Variants in PRKG1 observed in about 807,000 individuals in gnomAD.
PRKG1 encodes the protein cGMP-dependent protein kinase 1.
A neutral mutation model predicts 88.1 loss-of-function variants in PRKG1; 35 were observed. That is an observed-to-expected ratio of 0.40 (90% confidence interval 0.30 to 0.53). PRKG1 has a LOEUF of 0.53. Among genes scored for constraint, PRKG1 ranks in the 20% least tolerant of loss-of-function variants. The probability of loss-of-function intolerance (pLI) is 0.59; values close to 1 mark genes in which losing one functional copy is unlikely to be tolerated. For missense variants in PRKG1, 540 were observed against 839.8 expected, an observed-to-expected ratio of 0.64 and a Z score of 4.41; for synonymous variants, 303 against 292.5, an observed-to-expected ratio of 1.04 and a Z score of -0.37.
intron 9 of PRKG1, among the ~76,000 whole-genome samples, chr10:52,192,413 A>C (rs1392777212): frequency 6.6e-6 from 1 of 152,064 alleles, no homozygotes; most frequent in Non-Finnish European, 1.5e-5. Context: ...TCAGATAATA[A>C]TTTTTTAAAA....
At chr10:52,033,360 C>T (rs776335890) in intron 5 of PRKG1, among the ~76,000 whole-genome samples, 2 of 152,150 alleles carry the variant, frequency 1.3e-5, no homozygotes, top group African/African-American at 2.4e-5. Context: ...AACAACAGCA[C>T]ACTTCTCTGT....
At chr10:51,148,675 C>T (rs181951073) in intron 1 of PRKG1, among the ~76,000 whole-genome samples, 2 of 152,074 alleles carry the variant, frequency 1.3e-5, no homozygotes, top group Non-Finnish European at 2.9e-5. Context: ...GTAAGAGTTG[C>T]CTGAGAGTAA....
intron 3 of PRKG1, among the ~76,000 whole-genome samples, chr10:51,654,599 A>T (rs890615560): frequency 3.3e-5 from 5 of 152,154 alleles, no homozygotes; most frequent in African/African-American, 1.2e-4. Context: ...GCTGCTTATT[A>T]ATAGAATCTA....
At chr10:51,231,485 C>T (rs1838843449) in intron 2 of PRKG1, among the ~76,000 whole-genome samples, 1 of 152,162 alleles carries the variant, frequency 6.6e-6, no homozygotes, top group Admixed American at 6.6e-5. Flanking sequence ...CACAGACCCT[C>T]TCCACTACAA....
chr10:52,157,306 GATATATATATATAT>G (rs142784154), intron 8 of PRKG1, among the ~76,000 whole-genome samples: 24,986 of 125,868 alleles, frequency 0.2, 2,668 homozygotes, highest in South Asian at 0.34. Flanking sequence ...TGAGTTAGTT[GATATATATATATAT>G]ATATATATAT....
chr10:51,951,371 C>T (rs1159366752), intron 5 of PRKG1, among the ~76,000 whole-genome samples: 1 of 152,138 alleles, frequency 6.6e-6, no homozygotes, highest in South Asian at 2.1e-4. Flanking sequence ...CACAGCCAAC[C>T]CACATGTAAT....
chr10:51,981,048 G>T (rs963231300), intron 5 of PRKG1, among the ~76,000 whole-genome samples: 5 of 152,098 alleles, frequency 3.3e-5, no homozygotes, highest in African/African-American at 1.2e-4. Flanking sequence ...TTATTATGCA[G>T]AATCTTTTGT....
At chr10:51,229,219 G>A (rs1838771495) in intron 2 of PRKG1, among the ~76,000 whole-genome samples, 2 of 152,144 alleles carry the variant, frequency 1.3e-5, no homozygotes, top group East Asian at 3.9e-4. Flanking sequence ...GTTCAGCAAG[G>A]GTCTCCATGG....
At chr10:51,215,164 T>C (rs989645211) in intron 2 of PRKG1, among the ~76,000 whole-genome samples, 3 of 152,098 alleles carry the variant, frequency 2.0e-5, no homozygotes, top group African/African-American at 7.2e-5. Flanking sequence ...AGGGAAAGGG[T>C]TAGTGTAAAT....
At chr10:51,182,837 G>T (rs185347452) in intron 2 of PRKG1, among the ~76,000 whole-genome samples, 27 of 152,270 alleles carry the variant, frequency 1.8e-4, no homozygotes, top group Non-Finnish European at 3.2e-4. Flanking sequence ...AAGAATTGTC[G>T]AATTCATACT....
At chr10:52,122,950 A>T (rs1483236804) in intron 7 of PRKG1, among the ~76,000 whole-genome samples, 1 of 152,216 alleles carries the variant, frequency 6.6e-6, no homozygotes, top group African/African-American at 2.4e-5. Context: ...AGAAAAAAAT[A>T]GCAATATATA....
At chr10:51,173,050 G>A (rs1274092093) in intron 2 of PRKG1, among the ~76,000 whole-genome samples, 1 of 151,886 alleles carries the variant, frequency 6.6e-6, no homozygotes, top group Non-Finnish European at 1.5e-5. Flanking sequence ...CAAATGATTT[G>A]CAGTTTATTT....
intron 2 of PRKG1, among the ~76,000 whole-genome samples, chr10:51,412,170 G>GGAGAGT (rs1838104854): frequency 1.9e-5 from 2 of 103,994 alleles, no homozygotes; most frequent in African/African-American, 8.0e-5. Context: ...GCTGATTAAA[G>GGAGAGT]GAGAGAGAGT....
At chr10:51,483,105 C>T (rs1840419405) in intron 3 of PRKG1, among the ~76,000 whole-genome samples, 1 of 150,062 alleles carries the variant, frequency 6.7e-6, no homozygotes, top group Non-Finnish European at 1.5e-5. Context: ...ACTGCAACCT[C>T]TGCCTCCTGG....
At chr10:52,215,983 T>G (rs1224287552) in intron 9 of PRKG1, among the ~76,000 whole-genome samples, 1 of 152,084 alleles carries the variant, frequency 6.6e-6, no homozygotes, top group Non-Finnish European at 1.5e-5. Context: ...ATAGAATTGT[T>G]CAAGAAACAT....
intron 5 of PRKG1, among the ~76,000 whole-genome samples, chr10:52,019,552 A>G (rs1213169063): frequency 6.6e-6 from 1 of 152,190 alleles, no homozygotes; most frequent in Non-Finnish European, 1.5e-5. Flanking sequence ...ACCTGTCTAA[A>G]ATCTAGCCAA....
In PRKG1 at chr10:51,289,459, A is replaced by G. The variant is rs190718399; in HGVS notation, c.478+136129A>G. On this transcript the variant is annotated intron_variant, in intron 2 of 17. Coordinates refer to ENST00000373980, the MANE Select transcript of PRKG1 (RefSeq NM_006258.4). ...AGAGCCTCCAAGTGCTATAACTTCC[A>G]ACGGTCTGTGGCTGAATAGAAGCTA... Among the ~76,000 whole-genome samples the G allele has an allele frequency of 2.3e-3, 350 of 152,308 alleles. 1 individual carries two copies. The highest frequency in any genetic ancestry group is 2.2e-3 in the Non-Finnish European group (152 of 68,014).
intron 2 of PRKG1, among the ~76,000 whole-genome samples, chr10:51,197,453 A>G (rs113348705): frequency 0.053 from 8,025 of 151,582 alleles, 391 homozygotes; most frequent in African/African-American, 0.13. Context: ...TGTATTTTTA[A>G]TAGAGGCGGG....
intron 3 of PRKG1, among the ~76,000 whole-genome samples, chr10:51,543,173 T>C (rs1274016180): frequency 6.6e-6 from 1 of 152,162 alleles, no homozygotes; most frequent in Non-Finnish European, 1.5e-5. Context: ...TTACCAATAA[T>C]GTAACTGAGG....
Sources: gnomAD v4.1 joint callset for allele counts (sites outside exome capture counted in the v4.1 genomes callset) on GRCh38, gnomAD v4.1.1 for gene constraint, MANE v1.5 for transcripts, NCBI Gene and HGNC (gene_info 2026-07-23, HGNC 2026-07-21) for gene names.